Variants in AKT2 observed in about 807,000 individuals in gnomAD.
AKT2 encodes the protein RAC-beta serine/threonine-protein kinase.
In AKT2, 16 loss-of-function variants were observed where a neutral mutation model predicts 58.6. That is an observed-to-expected ratio of 0.27 (90% CI 0.18 to 0.41). The LOEUF (loss-of-function observed/expected upper bound fraction) is 0.41. AKT2 is among the 10% of genes least tolerant of loss of function. AKT2 has a pLI of 1.00. For missense variants in AKT2, 438 were observed against 661.0 expected (o/e 0.66, Z 3.70); for synonymous variants, 253 against 254.0 (o/e 1.00, Z 0.04).
rs376042912 is a variant in AKT2 at position 40,233,846 on chromosome 19, G to A, written c.*26C>T. 57 of 1,606,882 alleles carry A rather than the reference G, an allele frequency of 3.5e-5. No homozygotes were observed. Among genetic ancestry groups the A allele is most frequent in the East Asian group, 4.5e-5 (2 of 44,860 alleles). On this transcript the variant is annotated 3_prime_UTR_variant, in exon 14 of 14. Coordinates refer to ENST00000392038, the MANE Select transcript of AKT2 (RefSeq NM_001626.6). The surrounding 1 kb of genome is among the most constrained non-coding windows in gnomAD (Gnocchi z 4.3). Reference sequence around the variant, plus strand: ...CCACCCAGCGGTGATGGCAGCGAGCGTGCGTCCTCTGCGTGGGCAGACTGC... The same window carrying A: ...CCACCCAGCGGTGATGGCAGCGAGCATGCGTCCTCTGCGTGGGCAGACTGC...
chr19:40,246,890 G>T (rs2145233367), intron 4 of AKT2, among the ~76,000 whole-genome samples: 1 of 152,342 alleles, frequency 6.6e-6, no homozygotes, highest in South Asian at 2.1e-4. Context: ...CCTGGGCCTG[G>T]GGCTAAGAGG....
intron 7 of AKT2, 143 bp downstream of exon 7, chr19:40,239,902 G>T: frequency 9.9e-7 from 1 of 1,014,586 alleles, no homozygotes; most frequent in South Asian, 1.3e-5. Flanking sequence ...TGGTTCGGAT[G>T]ACTTGGCAGG....
At chr19:40,276,086 T>A (rs1006761880) in intron 1 of AKT2, among the ~76,000 whole-genome samples, 7 of 151,342 alleles carry the variant, frequency 4.6e-5, no homozygotes, top group African/African-American at 1.7e-4. Context: ...TTCCTGCTAA[T>A]TAAGCACCGG....
At position 40,253,787 on chromosome 19, in the gene AKT2, T is replaced by A. The variant is rs1975340107; in HGVS notation, c.287+1371A>T. On this transcript the variant is annotated intron_variant, in intron 4 of 13. Transcript: ENST00000392038. ...GCATTCCTTATAATGAGCCAAAGGCTGGAAACAACCCCAGTCATCACAATA... is the reference window on the plus strand; with the variant it reads ...GCATTCCTTATAATGAGCCAAAGGCAGGAAACAACCCCAGTCATCACAATA... 1.3e-5 allele frequency among the ~76,000 whole-genome samples: 2 copies of A among 151,790 alleles called. 1 individual carries two copies. The highest frequency in any genetic ancestry group is 4.2e-4 in the South Asian group (2 of 4,816).
intron 1 of AKT2, among the ~76,000 whole-genome samples, chr19:40,280,448 C>T (rs759352072): frequency 1.6e-4 from 25 of 152,170 alleles, no homozygotes; most frequent in Non-Finnish European, 2.2e-4. Flanking sequence ...ACGCCCTGCT[C>T]CGCTCAGTCA....
intron 1 of AKT2, among the ~76,000 whole-genome samples, chr19:40,277,627 T>C (rs2077350686): frequency 6.6e-6 from 1 of 152,142 alleles, no homozygotes; most frequent in Non-Finnish European, 1.5e-5. Flanking sequence ...CACCAGCACA[T>C]CCAGATATCG....
intron 4 of AKT2, among the ~76,000 whole-genome samples, chr19:40,251,293 G>A (rs1281843130): frequency 6.6e-6 from 1 of 152,202 alleles, no homozygotes; most frequent in Non-Finnish European, 1.5e-5. Context: ...GACAGTCTTT[G>A]TCACAACTAC....
At chr19:40,274,809 C>T (rs1003961073) in intron 1 of AKT2, 7 of 342,426 alleles carry the variant, frequency 2.0e-5, no homozygotes, top group African/African-American at 1.5e-4. Context: ...AGCTGGGGAC[C>T]GCTGGGCAGG....
rs1315192339 is a variant in AKT2, at chr19:40,234,827, C to T, written c.1366+218G>A. The T allele has an allele frequency of 1.9e-5, 12 of 646,500 alleles. No individual in the cohort carries two copies. The highest frequency in any genetic ancestry group is 1.0e-4 in the South Asian group (6 of 57,372). 40.0% of individuals were successfully genotyped at this position (646,500 alleles called of 1,614,324 possible). On this transcript the variant is annotated intron_variant, in intron 13 of 13. Transcript: ENST00000392038. This position sits in a 1 kb window ranked among gnomAD's most constrained non-coding sequence, Gnocchi z 4.7. The stretch of plus-strand genomic sequence containing the variant: ...GGGCTGCCTCCTGCCCTGAGCCCCC[C>T]GACTGAGCTCCAGAACGTGCTGCAG...
chr19:40,251,218 T>C (rs1412247577), intron 4 of AKT2, among the ~76,000 whole-genome samples: 1 of 152,186 alleles, frequency 6.6e-6, no homozygotes, highest in Non-Finnish European at 1.5e-5. Flanking sequence ...AAAAAAGTTT[T>C]AAATTTAAAA....
intron 1 of AKT2, among the ~76,000 whole-genome samples, chr19:40,271,941 G>T (rs2077223417): frequency 6.6e-6 from 1 of 152,216 alleles, no homozygotes; most frequent in South Asian, 2.1e-4. Flanking sequence ...TGCTGAAATA[G>T]GGAAACCTGG....
chr19:40,263,637 T>G (rs529496203), intron 2 of AKT2, among the ~76,000 whole-genome samples: 8 of 152,306 alleles, frequency 5.3e-5, no homozygotes, highest in African/African-American at 1.9e-4. Flanking sequence ...AAGCCATCTC[T>G]GTCCAGAAAG....
In AKT2 at chr19:40,230,655, C is replaced by T; in HGVS notation, c.*3217G>A. 4.5e-6 allele frequency: 1 copy of T among 224,640 alleles called. No homozygotes were observed. The highest frequency in any genetic ancestry group is 8.9e-6 in the Non-Finnish European group (1 of 112,624). 13.9% of individuals were successfully genotyped at this position (224,640 alleles called of 1,614,324 possible). On this transcript the variant is annotated 3_prime_UTR_variant, in exon 14 of 14. Coordinates refer to ENST00000392038, the MANE Select transcript of AKT2 (RefSeq NM_001626.6). ...AAATGAGTACTCAAGGCCCTGCGAC[C>T]TCGGGTGAATTTCCTTTCTTATACT...
At position 40,284,967 on chromosome 19, in the gene AKT2, G is replaced by A. The variant is rs1032936289; in HGVS notation, c.-85+214C>T. 4.7e-4 allele frequency: 159 copies of A among 336,744 alleles called. 1 individual carries two copies. Among genetic ancestry groups the A allele is most frequent in the African/African-American group, 3.2e-3 (150 of 46,298 alleles). 20.9% of individuals were successfully genotyped at this position (336,744 alleles called of 1,614,324 possible). On this transcript the variant is annotated intron_variant, in intron 1 of 13. Transcript: ENST00000392038. The stretch of plus-strand genomic sequence containing the variant: ...GCAAACTTGCAGCGCTCCCCCCACC[G>A]CCTCAGTGGTATGGCCCGCCGCCAC...
intron 2 of AKT2, among the ~76,000 whole-genome samples, chr19:40,262,102 C>T (rs1418821931): frequency 1.3e-5 from 2 of 151,788 alleles, no homozygotes; most frequent in Non-Finnish European, 2.9e-5. Flanking sequence ...ACTTTGGTAA[C>T]AAGCTAAGAA....
rs1974165479 is a variant in AKT2, at chr19:40,238,416, GA to G, written c.709-326del. On this transcript the variant is annotated intron_variant, in intron 8 of 13. Transcript: ENST00000392038. This position sits in a 1 kb window ranked among gnomAD's most constrained non-coding sequence, Gnocchi z 5.1. ...GCCATGGGCAAGCCCAGATCAGACAGATGAGCAAACCACGCATCCCAAAGCA... is the reference window on the plus strand; with the variant it reads ...GCCATGGGCAAGCCCAGATCAGACAGTGAGCAAACCACGCATCCCAAAGCA... 6.6e-6 allele frequency among the ~76,000 whole-genome samples: 1 copy of G among 152,222 alleles called. No homozygotes were observed. The highest frequency in any genetic ancestry group is 1.5e-5 in the Non-Finnish European group (1 of 68,036).
chr19:40,242,075 AG>A lies in AKT2; in HGVS notation c.442-7del. On this transcript the variant is annotated splice_region_variant and splice_polypyrimidine_tract_variant and intron_variant, in intron 5 of 13. Transcript: ENST00000392038. This position sits in a 1 kb window ranked among gnomAD's most constrained non-coding sequence, Gnocchi z 4.3. ...TAGTCGAAGTCATTCATGGTCTGCCAGGGACAGGGAGAGTGGGGGCAGTCAG... is the reference window on the plus strand; with the variant it reads ...TAGTCGAAGTCATTCATGGTCTGCCAGGACAGGGAGAGTGGGGGCAGTCAG... The A allele has an allele frequency of 6.2e-7, 1 of 1,614,196 alleles. No homozygotes were observed. Among genetic ancestry groups the A allele is most frequent in the Non-Finnish European group, 8.5e-7 (1 of 1,180,040 alleles).
chr19:40,238,210 G>A lies in AKT2; in HGVS notation c.709-119C>T. ...TGACACCTGTATCATGAACCAGCAA[G>A]TGACAGCTAGAGGGACCAATCAAGG... On this transcript the variant is annotated intron_variant, in intron 8 of 13. Coordinates refer to ENST00000392038, the MANE Select transcript of AKT2 (RefSeq NM_001626.6). This position sits in a 1 kb window ranked among gnomAD's most constrained non-coding sequence, Gnocchi z 5.1. 7.4e-7 allele frequency: 1 copy of A among 1,351,096 alleles called. No individual in the cohort carries two copies. 83.7% of individuals were successfully genotyped at this position (1,351,096 alleles called of 1,614,324 possible).
At chr19:40,252,528 T>C (rs568135259) in intron 4 of AKT2, among the ~76,000 whole-genome samples, 3 of 152,316 alleles carry the variant, frequency 2.0e-5, no homozygotes, top group Admixed American at 2.0e-4. Context: ...CTCCTATTTA[T>C]CATTCCCCTG....
Sources: allele counts gnomAD v4.1 joint callset (sites outside exome capture counted in the v4.1 genomes callset), GRCh38; gene constraint gnomAD v4.1.1; non-coding constraint Gnocchi (gnomAD v3.1); transcripts MANE v1.5; gene names NCBI Gene and HGNC (gene_info 2026-07-23, HGNC 2026-07-21).